Variants in MPPED2 observed in about 807,000 individuals in gnomAD.
MPPED2 encodes the protein metallophosphoesterase domain containing 2.
MPPED2 carries 5 observed loss-of-function variants against 33.0 expected under a neutral mutation model. The observed-to-expected ratio is 0.15, with a 90% confidence interval of 0.08 to 0.32. The LOEUF (loss-of-function observed/expected upper bound fraction) is 0.32. Among genes scored for constraint, MPPED2 ranks in the 10% least tolerant of loss-of-function variants. MPPED2 has a pLI of 1.00. For synonymous variants in MPPED2, 136 were observed against 141.9 expected, an observed-to-expected ratio of 0.96 and a Z score of 0.29; for missense variants, 275 against 372.1, an observed-to-expected ratio of 0.74 and a Z score of 2.15.
At chr11:30,554,764 G>GC (rs1224991464) in intron 2 of MPPED2, among the ~76,000 whole-genome samples, 1 of 152,082 alleles carries the variant, frequency 6.6e-6, no homozygotes, top group Non-Finnish European at 1.5e-5. Context: ...CAAAGTGCTG[G>GC]GATTACAGGC....
chr11:30,417,528 T>C lies in MPPED2; in HGVS notation c.642A>G (p.Gly214=). 6.2e-7 allele frequency: 1 copy of C among 1,604,452 alleles called. No homozygotes were observed. The change falls in exon 5 of 7, where the codon GGA becomes GGG. Residue 214 remains glycine (G), a synonymous_variant. Coordinates refer to ENST00000358117, the MANE Select transcript of MPPED2 (RefSeq NM_001584.3). ...CTTTGCTTCACTTACCTAGAGGAGG[T>C]CCATGTGTCATGAGTATGTCAATGC... ...PEGIDILMTH[G]PPLGFRDWVP... is the part of the protein sequence containing the mutation.
chr11:30,500,579 G>A (rs1399270203), intron 3 of MPPED2, among the ~76,000 whole-genome samples: 1 of 152,140 alleles, frequency 6.6e-6, no homozygotes, highest in Non-Finnish European at 1.5e-5. Context: ...CTAGCAAAAT[G>A]GGGATAATAA....
At chr11:30,577,790 T>C (rs1200662513) in intron 2 of MPPED2, among the ~76,000 whole-genome samples, 1 of 152,192 alleles carries the variant, frequency 6.6e-6, no homozygotes, top group Non-Finnish European at 1.5e-5. Context: ...CGTACCATCA[T>C]GAAAACATTC....
intron 3 of MPPED2, chr11:30,504,728 A>G (rs2134263918): frequency 7.9e-7 from 1 of 1,262,986 alleles, no homozygotes; most frequent in South Asian, 1.2e-5. Flanking sequence ...TCTAACGTTA[A>G]TACTCACACT....
chr11:30,436,162 A>C (rs995707874), intron 4 of MPPED2, among the ~76,000 whole-genome samples: 6 of 151,210 alleles, frequency 4.0e-5, no homozygotes, highest in Non-Finnish European at 5.9e-5. Context: ...AGAGTCTGTA[A>C]ACTCTCTAAA....
chr11:30,405,187 CA>C (rs909433041), intron 6 of MPPED2, among the ~76,000 whole-genome samples: 2 of 152,200 alleles, frequency 1.3e-5, no homozygotes, highest in African/African-American at 4.8e-5. Context: ...CCCATGCAAA[CA>C]GGGAGCATTT....
chr11:30,511,712 C>T (rs901561720), intron 3 of MPPED2, among the ~76,000 whole-genome samples: 2 of 152,144 alleles, frequency 1.3e-5, no homozygotes, highest in Non-Finnish European at 1.5e-5. Flanking sequence ...CATTAGAACG[C>T]TCAGTGCAAT....
chr11:30,462,197 A>G (rs773557484), intron 4 of MPPED2, among the ~76,000 whole-genome samples: 5 of 152,260 alleles, frequency 3.3e-5, no homozygotes, highest in African/African-American at 4.8e-5. Context: ...CCTGCTTTCC[A>G]GGGTAAAGAT....
At chr11:30,490,593 G>A (rs1055980183) in intron 4 of MPPED2, among the ~76,000 whole-genome samples, 4 of 151,878 alleles carry the variant, frequency 2.6e-5, no homozygotes, top group African/African-American at 7.3e-5. Flanking sequence ...TTAGGCCACT[G>A]GATTTTCCCA....
At chr11:30,387,576 T>A (rs550158759) in exon 7 of MPPED2, 1 of 152,210 alleles carries the variant, frequency 6.6e-6, no homozygotes, top group South Asian at 2.1e-4. Flanking sequence ...AACGGAGCAA[T>A]GGGATCAGGG....
At chr11:30,461,027 A>G (rs1950497185) in intron 4 of MPPED2, among the ~76,000 whole-genome samples, 1 of 152,234 alleles carries the variant, frequency 6.6e-6, no homozygotes, top group Admixed American at 6.5e-5. Context: ...AACACAGGGG[A>G]ATGCTATTCA....
At chr11:30,453,461 A>T (rs1950149356) in intron 4 of MPPED2, among the ~76,000 whole-genome samples, 1 of 152,146 alleles carries the variant, frequency 6.6e-6, no homozygotes, top group African/African-American at 2.4e-5. Flanking sequence ...GGACAATCAA[A>T]TTTCTCTCCA....
chr11:30,582,917 C>A (rs1319388709), intron 1 of MPPED2, among the ~76,000 whole-genome samples: 1 of 152,166 alleles, frequency 6.6e-6, no homozygotes, highest in African/African-American at 2.4e-5. Flanking sequence ...TCAAATGTTT[C>A]ATCGAAACAG....
intron 4 of MPPED2, among the ~76,000 whole-genome samples, chr11:30,489,041 T>C (rs1349836514): frequency 1.0e-5 from 1 of 97,346 alleles, no homozygotes; most frequent in Non-Finnish European, 2.2e-5. Flanking sequence ...TTTTTTCTTC[T>C]TCTTCTTCTC....
chr11:30,446,812 C>G (rs551192753), intron 4 of MPPED2, among the ~76,000 whole-genome samples: 26 of 152,176 alleles, frequency 1.7e-4, no homozygotes, highest in Admixed American at 2.6e-4. Flanking sequence ...GAGCCCCCCC[C>G]GACGCCAAGT....
intron 2 of MPPED2, among the ~76,000 whole-genome samples, chr11:30,570,941 G>T (rs1161457833): frequency 6.6e-6 from 1 of 152,140 alleles, no homozygotes; most frequent in Admixed American, 6.6e-5. Flanking sequence ...CTTTGAGCTG[G>T]AAGGTTTCAG....
intron 2 of MPPED2, among the ~76,000 whole-genome samples, chr11:30,547,551 A>G (rs772524383): frequency 2.6e-5 from 4 of 152,200 alleles, no homozygotes; most frequent in Non-Finnish European, 4.4e-5. Flanking sequence ...ATTCTGGCCT[A>G]TCTAAACCAT....
At chr11:30,384,494 G>A (rs1455050735) in exon 7 of MPPED2, 1 of 121,698 alleles carries the variant, frequency 8.2e-6, no homozygotes, top group Non-Finnish European at 1.7e-5. Context: ...TTTTTTTTTA[G>A]ACAGAGTCTC....
chr11:30,546,729 C>T (rs1384049799), intron 2 of MPPED2, among the ~76,000 whole-genome samples: 1 of 152,092 alleles, frequency 6.6e-6, no homozygotes, highest in African/African-American at 2.4e-5. Flanking sequence ...ACAAAAAGAC[C>T]ATTTTTTACT....
Sources: allele counts gnomAD v4.1 joint callset (sites outside exome capture counted in the v4.1 genomes callset), GRCh38; gene constraint gnomAD v4.1.1; transcripts MANE v1.5; gene names NCBI Gene and HGNC (gene_info 2026-07-23, HGNC 2026-07-21).